Variants in SNRPA observed in about 807,000 individuals in gnomAD.
SNRPA encodes U1 small nuclear ribonucleoprotein A.
SNRPA carries 10 observed loss-of-function variants against 24.5 expected under a neutral mutation model. The ratio of observed to expected loss-of-function variants is 0.41; its 90% CI spans 0.25 to 0.69. The LOEUF (loss-of-function observed/expected upper bound fraction) is 0.69, where lower values mean the gene tolerates loss of function less well. SNRPA is among the 30% of genes least tolerant of loss of function. The pLI is 0.33. For missense variants in SNRPA, 283 were observed against 394.7 expected (o/e 0.72, Z 2.40); for synonymous variants, 165 against 148.4 (o/e 1.11, Z -0.81).
intron 1 of SNRPA, among the ~76,000 whole-genome samples, chr19:40,752,525 T>A (rs1279551286): frequency 7.7e-6 from 1 of 129,870 alleles, no homozygotes; most frequent in Admixed American, 9.9e-5. Flanking sequence ...GGAGGATCAC[T>A]GAAACACAGG....
intron 1 of SNRPA, 37 bp downstream of exon 1, chr19:40,751,518 C>A: frequency 6.8e-7 from 1 of 1,469,914 alleles, no homozygotes; most frequent in Non-Finnish European, 9.5e-7. Flanking sequence ...CAGACTGTCC[C>A]GCACGGGCTG....
At chr19:40,753,614 C>T (rs1411480856) in intron 1 of SNRPA, among the ~76,000 whole-genome samples, 1 of 150,990 alleles carries the variant, frequency 6.6e-6, no homozygotes, top group African/African-American at 2.4e-5. Flanking sequence ...CCAGGCTTTT[C>T]TCGAACTCCT....
In SNRPA at chr19:40,763,322, A is replaced by G. The variant is rs570173765; in HGVS notation, c.600+248A>G. 1.1e-4 allele frequency: 67 copies of G among 594,686 alleles called. No individual in the cohort carries two copies. The African/African-American group carries it at 1.2e-3, about 11-fold the overall frequency. The allele number at this position is 594,686 out of a possible 1,614,324, so 36.8% of individuals were successfully genotyped here. On this transcript the variant is annotated intron_variant, in intron 4 of 5. Coordinates refer to ENST00000243563, the MANE Select transcript of SNRPA (RefSeq NM_004596.5). ...CCTAGATTGATTCCATGAGCTATTG[A>G]GCGCCTCCTTACGTGCCAGGCCCCG... is the stretch of plus-strand genomic sequence containing the variant.
rs536919973 is a variant in SNRPA, at chr19:40,751,310, A to C, written c.-99A>C. 1.1e-6 allele frequency: 1 copy of C among 888,860 alleles called. No individual in the cohort carries two copies. Among genetic ancestry groups the C allele is most frequent in the African/African-American group, 1.6e-5 (1 of 60,770 alleles). 55.1% of individuals were successfully genotyped at this position (888,860 alleles called of 1,614,324 possible). On this transcript the variant is annotated 5_prime_UTR_variant, in exon 1 of 6. Transcript: ENST00000243563. ...CTTACCTGACTTCCTTTTCGGAGGAAGATCCTTGAGCAGCCGACGTTGGGA... is the reference window on the plus strand; with the variant it reads ...CTTACCTGACTTCCTTTTCGGAGGACGATCCTTGAGCAGCCGACGTTGGGA...
chr19:40,753,109 C>T (rs2082890487), intron 1 of SNRPA, among the ~76,000 whole-genome samples: 1 of 152,112 alleles, frequency 6.6e-6, no homozygotes, highest in Non-Finnish European at 1.5e-5. Flanking sequence ...AATCTCAGCA[C>T]TTTGGGAGGC....
In SNRPA at chr19:40,763,431, G is replaced by T. The variant is rs186622996; in HGVS notation, c.601-156G>T. On this transcript the variant is annotated intron_variant, in intron 4 of 5. Coordinates refer to ENST00000243563, the MANE Select transcript of SNRPA (RefSeq NM_004596.5). ...TATAGTCTGTAGGGGCAAAGAGGTG[G>T]GAGGCAGACAGGCAACAGACAACAA... The T allele has an allele frequency of 4.1e-5, 28 of 680,710 alleles. No individual in the cohort carries two copies. The Admixed American group carries it at 6.0e-4, about 15-fold the overall frequency. 42.2% of individuals were successfully genotyped at this position (680,710 alleles called of 1,614,324 possible). A position where few individuals can be genotyped will look rare whatever the true frequency, so the allele number is the denominator to read the frequency against.
At chr19:40,763,145 G>C in intron 4 of SNRPA, 71 bp downstream of exon 4, 2 of 1,260,098 alleles carry the variant, frequency 1.6e-6, no homozygotes, top group South Asian at 1.5e-5. Flanking sequence ...GGGACCAGTT[G>C]GGGGGCTGCT....
rs746525368 is a variant in SNRPA, at chr19:40,753,384, G to GTTTTTTTTTTTTTTT, written c.73+1919_73+1933dup. ...AATCAGGAGTGTAAATTTTGCATATGTTTTTTTTTTTTTTTTTTTTTTTTT... is the reference window on the plus strand; with the variant it reads ...AATCAGGAGTGTAAATTTTGCATATGTTTTTTTTTTTTTTTTTTTTTTTTTTTTTTTTTTTTTTTT... On this transcript the variant is annotated intron_variant, in intron 1 of 5. Coordinates refer to ENST00000243563, the MANE Select transcript of SNRPA (RefSeq NM_004596.5). 6.3e-4 allele frequency among the ~76,000 whole-genome samples: 24 copies of GTTTTTTTTTTTTTTT among 38,390 alleles called. 3 individuals carry two copies. Among genetic ancestry groups the GTTTTTTTTTTTTTTT allele is most frequent in the Non-Finnish European group, 6.9e-4 (16 of 23,278 alleles). 25.2% of individuals were successfully genotyped at this position (38,390 alleles called of 152,430 possible). A position where few individuals can be genotyped will look rare whatever the true frequency, so the allele number is the denominator to read the frequency against.
chr19:40,752,214 A>G (rs535980519), intron 1 of SNRPA, among the ~76,000 whole-genome samples: 1 of 151,908 alleles, frequency 6.6e-6, no homozygotes, highest in Admixed American at 6.6e-5. Flanking sequence ...GCGCATGCCT[A>G]TAATCCCAGC....
At chr19:40,757,537 G>C in intron 2 of SNRPA, 33 bp downstream of exon 2, 1 of 1,575,684 alleles carries the variant, frequency 6.3e-7, no homozygotes, top group Non-Finnish European at 8.6e-7. Flanking sequence ...CTGTGTGGGT[G>C]TGTAAAATGT....
At chr19:40,758,446 GA>G (rs1330905697) in intron 2 of SNRPA, among the ~76,000 whole-genome samples, 2 of 152,154 alleles carry the variant, frequency 1.3e-5, no homozygotes, top group Non-Finnish European at 2.9e-5. Flanking sequence ...TGTGTGACAG[GA>G]AATCCCCCTG....
intron 3 of SNRPA, among the ~76,000 whole-genome samples, chr19:40,761,458 CTTTTTTTTTTTTTTT>C (rs200242370): frequency 4.7e-5 from 4 of 85,860 alleles, no homozygotes; most frequent in South Asian, 4.6e-4. Flanking sequence ...TTTTCTTTTT[CTTTTTTTTTTTTTTT>C]TTTTTTTTTT....
At chr19:40,756,160 T>C (rs1042588001) in intron 1 of SNRPA, among the ~76,000 whole-genome samples, 5 of 152,004 alleles carry the variant, frequency 3.3e-5, no homozygotes, top group African/African-American at 9.6e-5. Context: ...TCCCAGCTCC[T>C]TGGGAGGCTG....
Position 40,751,367 on chromosome 19 carries a change from C to A in SNRPA, c.-42C>A. 1 of 1,486,886 alleles carries A rather than the reference C, an allele frequency of 6.7e-7. No homozygotes were observed. The highest frequency in any genetic ancestry group is 1.1e-5 in the South Asian group (1 of 88,516). The allele number at this position is 1,486,886 out of a possible 1,614,324, so 92.1% of individuals were successfully genotyped here. A position where few individuals can be genotyped will look rare whatever the true frequency, so the allele number is the denominator to read the frequency against. On this transcript the variant is annotated 5_prime_UTR_variant, in exon 1 of 6. Coordinates refer to ENST00000243563, the MANE Select transcript of SNRPA (RefSeq NM_004596.5). ...ATTTGGAGAAACCCAGGGCTAAAGTCACGTTTTTCCTCCTTTAAGACTTAC... is the reference window on the plus strand; with the variant it reads ...ATTTGGAGAAACCCAGGGCTAAAGTAACGTTTTTCCTCCTTTAAGACTTAC...
intron 1 of SNRPA, 123 bp from the exon 2 acceptor site, chr19:40,757,209 G>A (rs947279401): frequency 2.4e-6 from 2 of 842,214 alleles, no homozygotes; most frequent in African/African-American, 3.4e-5. Flanking sequence ...GTGATTGTTA[G>A]GTCTTGAGAG....
At chr19:40,763,766 C>T (rs1030500054) in intron 5 of SNRPA, 91 bp downstream of exon 5, 16 of 1,084,438 alleles carry the variant, frequency 1.5e-5, no homozygotes, top group Non-Finnish European at 2.3e-5. Context: ...GCCAGCAGAG[C>T]TCTGAGCCAA....
At position 40,751,343 on chromosome 19, in the gene SNRPA, T is replaced by C; in HGVS notation, c.-66T>C. 3.2e-6 allele frequency: 4 copies of C among 1,250,752 alleles called. No individual in the cohort carries two copies. Among genetic ancestry groups the C allele is most frequent in the South Asian group, 2.4e-5 (2 of 83,744 alleles). The allele number at this position is 1,250,752 out of a possible 1,614,324, so 77.5% of individuals were successfully genotyped here. ...GAGCAGCCGACGTTGGGACAAAGGATTTGGAGAAACCCAGGGCTAAAGTCA... is the reference window on the plus strand; with the variant it reads ...GAGCAGCCGACGTTGGGACAAAGGACTTGGAGAAACCCAGGGCTAAAGTCA... On this transcript the variant is annotated 5_prime_UTR_variant, in exon 1 of 6. Transcript: ENST00000243563.
chr19:40,757,649 A>T, intron 2 of SNRPA, 145 bp downstream of exon 2: 1 of 783,356 alleles, frequency 1.3e-6, no homozygotes, highest in South Asian at 2.1e-5. Context: ...CTCATTTAAA[A>T]ATCTTTTCTT....
At position 40,751,412 on chromosome 19, in the gene SNRPA, G is replaced by A; in HGVS notation, c.4G>A (p.Ala2Thr). 2 of 1,611,816 alleles carry A rather than the reference G, an allele frequency of 1.2e-6. No individual in the cohort carries two copies. Among genetic ancestry groups the A allele is most frequent in the Non-Finnish European group, 1.7e-6 (2 of 1,178,068 alleles). The change falls in exon 1 of 6, where the codon GCA becomes ACA. Residue 2 changes from alanine (A) to threonine (T), a missense_variant. Ala to Thr is a moderately conservative substitution (Grantham distance 58). Transcript: ENST00000243563. ...ACTTACCTCAACACTTCACTCCATG[G>A]CAGTTCCCGAGACCCGCCCTAACCA... MAVPETRPNHTI... is the reference protein window; with the variant it reads MTVPETRPNHTI...
Sources: allele counts gnomAD v4.1 joint callset (sites outside exome capture counted in the v4.1 genomes callset), GRCh38; gene constraint gnomAD v4.1.1; transcripts MANE v1.5; gene names NCBI Gene and HGNC (gene_info 2026-07-23, HGNC 2026-07-21).